Variants in VWA2 observed in about 807,000 individuals in gnomAD.
The protein encoded by VWA2 is von Willebrand factor A domain-containing protein 2.
Under a neutral mutation model 70.4 loss-of-function variants are expected in VWA2, and 73 were observed. That is an observed-to-expected ratio of 1.04 (90% CI 0.86 to 1.26). VWA2 has a LOEUF of 1.26. Among genes scored for constraint, VWA2 ranks in the 50% most tolerant of loss-of-function variants. The pLI is 0.00. For missense variants in VWA2, 1,011 were observed against 998.5 expected (o/e 1.01, Z -0.17); for synonymous variants, 407 against 423.3 (o/e 0.96, Z 0.47).
chr10:114,286,132 G>T lies in VWA2; in HGVS notation c.1191G>T (p.Val397=), dbSNP rs780096018. ...YSRELLVAVP[V]GEYQDVPDLV... ...GGGAGCTGCTGGTGGCGGTGCCTGT[G>T]GGGGAGTACCAGGATGTGCCTGACC... is the stretch of plus-strand genomic sequence containing the variant. The change falls in exon 11 of 14, where the codon GTG becomes GTT. Residue 397 remains valine (V), a synonymous_variant. Coordinates refer to ENST00000392982, the MANE Select transcript of VWA2 (RefSeq NM_001272046.2). 12 of 1,614,114 alleles carry T rather than the reference G, an allele frequency of 7.4e-6. No individual in the cohort carries two copies. The highest frequency in any genetic ancestry group is 1.1e-5 in the South Asian group (1 of 91,082).
intron 1 of VWA2, among the ~76,000 whole-genome samples, chr10:114,247,521 A>T (rs1158193136): frequency 2.6e-5 from 4 of 152,022 alleles, no homozygotes; most frequent in Admixed American, 2.0e-4. Flanking sequence ...CTGGTCGTGA[A>T]CTCCTGAACT....
chr10:114,270,185 G>A (rs955144589), intron 5 of VWA2, among the ~76,000 whole-genome samples: 4 of 152,032 alleles, frequency 2.6e-5, no homozygotes, highest in Non-Finnish European at 4.4e-5. Flanking sequence ...CTCCAGTTCC[G>A]ACCTCCACTA....
chr10:114,284,769 A>T, intron 9 of VWA2, 94 bp from the exon 10 acceptor site: 1 of 1,232,244 alleles, frequency 8.1e-7, no homozygotes, highest in Middle Eastern at 2.7e-4. Flanking sequence ...GGCCACTGCT[A>T]GAGCAGGAAG....
chr10:114,245,709 C>A lies in VWA2; in HGVS notation c.-10-2995C>A, dbSNP rs150807594. ...GTGCTGCAGGCCAGTATCCTTCTCA[C>A]CACCTTTCTCCCTTTGATCGTGTCT... is the stretch of plus-strand genomic sequence containing the variant. On this transcript the variant is annotated intron_variant, in intron 1 of 13. Coordinates refer to ENST00000392982, the MANE Select transcript of VWA2 (RefSeq NM_001272046.2). Among the ~76,000 whole-genome samples the A allele has an allele frequency of 4.6e-3, 693 of 152,300 alleles. 5 individuals are homozygous for A. The highest frequency in any genetic ancestry group is 0.016 in the African/African-American group (654 of 41,552).
chr10:114,246,135 T>C, intron 1 of VWA2: 2 of 993,260 alleles, frequency 2.0e-6, no homozygotes, highest in Non-Finnish European at 3.0e-6. Flanking sequence ...AGCCTTGGTG[T>C]TCTTTGCTAT....
At position 114,284,981 on chromosome 10, in the gene VWA2, A is replaced by G. The variant is rs2038680650; in HGVS notation, c.997+11A>G. 2 of 1,579,920 alleles carry G rather than the reference A, an allele frequency of 1.3e-6. No individual in the cohort carries two copies. The highest frequency in any genetic ancestry group is 1.2e-5 in the South Asian group (1 of 85,694). On this transcript the variant is annotated intron_variant, in intron 10 of 13. Coordinates refer to ENST00000392982, the MANE Select transcript of VWA2 (RefSeq NM_001272046.2). ...GGGAGGCTAACTGTGGTAGGTATGC[A>G]CCGGCCCTGCAAGACTGACCACTGG...
At position 114,290,277 on chromosome 10, in the gene VWA2, G is replaced by C; in HGVS notation, c.2160G>C (p.Pro720=). ...KQPVNLCKPS[P]CMNEGSCVLQ... ...CAGTCAACCTCTGCAAACCCAGCCC[G>C]TGCATGAATGAGGGCAGCTGCGTCC... The change falls in exon 13 of 14, where the codon CCG becomes CCC. Residue 720 remains proline, a synonymous_variant. Coordinates refer to ENST00000392982, the MANE Select transcript of VWA2 (RefSeq NM_001272046.2). 1 of 1,550,550 alleles carries C rather than the reference G, an allele frequency of 6.4e-7. No individual in the cohort carries two copies. The highest frequency in any genetic ancestry group is 8.7e-7 in the Non-Finnish European group (1 of 1,146,960).
chr10:114,276,838 C>A (rs542722611), intron 6 of VWA2, among the ~76,000 whole-genome samples: 39 of 152,160 alleles, frequency 2.6e-4, no homozygotes, highest in African/African-American at 8.7e-4. Flanking sequence ...CTTTTGAGCC[C>A]CTTCTCTGAC....
intron 1 of VWA2, among the ~76,000 whole-genome samples, chr10:114,247,298 A>C (rs2133284350): frequency 6.6e-6 from 1 of 152,214 alleles, no homozygotes; most frequent in East Asian, 1.9e-4. Flanking sequence ...TTGGGTTTCT[A>C]GTCATCTTTA....
At chr10:114,271,898 A>G (rs938403751) in intron 5 of VWA2, among the ~76,000 whole-genome samples, 1 of 152,168 alleles carries the variant, frequency 6.6e-6, no homozygotes, top group Non-Finnish European at 1.5e-5. Flanking sequence ...TGGATGGGCT[A>G]CCATCCGCTG....
chr10:114,248,877 C>G, intron 2 of VWA2, 112 bp downstream of exon 2: 1 of 1,023,004 alleles, frequency 9.8e-7, no homozygotes, highest in Non-Finnish European at 1.5e-6. Flanking sequence ...CCACCTGCAT[C>G]TCCCCTCCAT....
rs1270010316 is a variant in VWA2, at chr10:114,291,520, G to T, written c.*283G>T. ...TAAATACCCACTTTCTGTACCTGCT[G>T]TGCCTTGTTGAGGCTATGTCATCTG... On this transcript the variant is annotated 3_prime_UTR_variant, in exon 14 of 14. Coordinates refer to ENST00000392982, the MANE Select transcript of VWA2 (RefSeq NM_001272046.2). 2.4e-6 allele frequency: 1 copy of T among 421,304 alleles called. No individual in the cohort carries two copies. Among genetic ancestry groups the T allele is most frequent in the East Asian group, 4.7e-5 (1 of 21,456 alleles). The allele number at this position is 421,304 out of a possible 1,614,324, so 26.1% of individuals were successfully genotyped here.
At chr10:114,276,275 A>G (rs527350786) in intron 6 of VWA2, among the ~76,000 whole-genome samples, 52 of 152,274 alleles carry the variant, frequency 3.4e-4, no homozygotes, top group South Asian at 3.3e-3. Context: ...CTGGTTCTCA[A>G]CGTGTGCTCC....
At chr10:114,253,795 C>A in intron 3 of VWA2, 70 bp downstream of exon 3, 1 of 1,410,220 alleles carries the variant, frequency 7.1e-7, no homozygotes, top group South Asian at 1.2e-5. Flanking sequence ...GGATGAGAAC[C>A]ATGTTCTTCC....
chr10:114,291,496 A>G lies in VWA2; in HGVS notation c.*259A>G. 4.1e-6 allele frequency: 2 copies of G among 485,282 alleles called. No homozygotes were observed. Among genetic ancestry groups the G allele is most frequent in the Non-Finnish European group, 7.3e-6 (2 of 275,298 alleles). The allele number at this position is 485,282 out of a possible 1,614,324, so 30.1% of individuals were successfully genotyped here. ...TGTTGAAAAGTTTTGATGTGTAAGT[A>G]AATACCCACTTTCTGTACCTGCTGT... On this transcript the variant is annotated 3_prime_UTR_variant, in exon 14 of 14. Transcript: ENST00000392982.
At chr10:114,255,432 A>G (rs1338247327) in intron 4 of VWA2, among the ~76,000 whole-genome samples, 2 of 152,108 alleles carry the variant, frequency 1.3e-5, no homozygotes, top group African/African-American at 4.8e-5. Flanking sequence ...ATGATAATCC[A>G]CTGACCAATC....
chr10:114,265,394 G>T (rs576247554), intron 5 of VWA2, among the ~76,000 whole-genome samples: 2 of 152,204 alleles, frequency 1.3e-5, no homozygotes, highest in Non-Finnish European at 2.9e-5. Context: ...ATTCACCTCT[G>T]CTCTTGTCTG....
intron 7 of VWA2, among the ~76,000 whole-genome samples, chr10:114,278,388 G>A (rs1165789193): frequency 6.6e-6 from 1 of 152,176 alleles, no homozygotes. Context: ...TGCTTGGTGC[G>A]AGATCCCTGC....
chr10:114,266,429 G>A (rs1393406786), intron 5 of VWA2, among the ~76,000 whole-genome samples: 1 of 152,146 alleles, frequency 6.6e-6, no homozygotes, highest in Non-Finnish European at 1.5e-5. Flanking sequence ...ATCCCCTCGA[G>A]TGACAGTGAA....
Sources: gnomAD v4.1 joint callset for allele counts (sites outside exome capture counted in the v4.1 genomes callset) on GRCh38, gnomAD v4.1.1 for gene constraint, MANE v1.5 for transcripts, NCBI Gene and HGNC (gene_info 2026-07-23, HGNC 2026-07-21) for gene names.